Variants in KLF12 observed in about 807,000 individuals in gnomAD.
The protein encoded by KLF12 is KLF transcription factor 12.
A neutral mutation model predicts 37.8 loss-of-function variants in KLF12; 9 were observed. The ratio of observed to expected loss-of-function variants is 0.24; its 90% CI spans 0.14 to 0.42. The LOEUF (loss-of-function observed/expected upper bound fraction) is 0.42, where lower values mean the gene tolerates loss of function less well. Ranked by LOEUF, KLF12 falls within the 10% of genes least tolerant of loss-of-function variation. KLF12 has a pLI of 1.00. For missense variants in KLF12, 411 were observed against 516.0 expected, an observed-to-expected ratio of 0.80 and a Z score of 1.97; for synonymous variants, 208 against 202.1, an observed-to-expected ratio of 1.03 and a Z score of -0.25.
intron 5 of KLF12, among the ~76,000 whole-genome samples, chr13:73,808,299 A>G (rs1416391736): frequency 6.6e-6 from 1 of 152,070 alleles, no homozygotes; most frequent in East Asian, 1.9e-4. Flanking sequence ...TTACAATTGA[A>G]ATAGAAAAAA....
the KLF12 span, among the ~76,000 whole-genome samples, chr13:74,273,799 C>T: frequency 6.6e-6 from 1 of 152,078 alleles, no homozygotes; most frequent in Non-Finnish European, 1.5e-5. Context: ...ACAAGGATTA[C>T]ATAATGCATG....
intron 5 of KLF12, among the ~76,000 whole-genome samples, chr13:73,774,609 T>C (rs1313805716): frequency 1.3e-5 from 2 of 152,206 alleles, no homozygotes; most frequent in African/African-American, 4.8e-5. Context: ...ATAATTATAC[T>C]ATGAGGATGT....
At chr13:74,036,856 C>A (rs1007957693) in intron 1 of KLF12, among the ~76,000 whole-genome samples, 1 of 152,194 alleles carries the variant, frequency 6.6e-6, no homozygotes, top group African/African-American at 2.4e-5. Context: ...AATTTATAAA[C>A]CAAGTGTAAA....
At chr13:74,051,485 G>A (rs1430507905) in intron 1 of KLF12, among the ~76,000 whole-genome samples, 1 of 152,084 alleles carries the variant, frequency 6.6e-6, no homozygotes, top group Non-Finnish European at 1.5e-5. Context: ...GCATGAAACA[G>A]GAAGAAGAGT....
At chr13:74,066,816 G>A (rs546177314) in intron 1 of KLF12, among the ~76,000 whole-genome samples, 12 of 152,236 alleles carry the variant, frequency 7.9e-5, no homozygotes, top group Non-Finnish European at 1.0e-4. Context: ...TCTGGCCTTC[G>A]AAGGGAGCTA....
Position 73,738,057 on chromosome 13 carries a change from A to G in KLF12, c.870-22532T>C, listed in dbSNP as rs185126918. 8.3e-4 allele frequency among the ~76,000 whole-genome samples: 118 copies of G among 142,738 alleles called. 3 individuals are homozygous for G. The highest frequency in any genetic ancestry group is 4.8e-3 in the East Asian group (23 of 4,810). 93.6% of individuals were successfully genotyped at this position (142,738 alleles called of 152,430 possible). ...CACACACACACACACATACGTGTGT[A>G]TATATATATATACACACACATATAT... On this transcript the variant is annotated intron_variant, in intron 6 of 7. Coordinates refer to ENST00000377669, the MANE Select transcript of KLF12 (RefSeq NM_007249.5).
chr13:73,885,443 G>A (rs775631613), intron 3 of KLF12, among the ~76,000 whole-genome samples: 3 of 152,146 alleles, frequency 2.0e-5, no homozygotes, highest in Admixed American at 6.5e-5. Context: ...CAGTCACCAT[G>A]ATCTCTAGTC....
At chr13:73,867,277 G>C (rs1266839679) in intron 3 of KLF12, among the ~76,000 whole-genome samples, 1 of 151,712 alleles carries the variant, frequency 6.6e-6, no homozygotes, top group Non-Finnish European at 1.5e-5. Flanking sequence ...AAAGAAGGTT[G>C]GTACAGTTAT....
At chr13:74,237,291 A>G in the KLF12 span, among the ~76,000 whole-genome samples, 3 of 143,210 alleles carry the variant, frequency 2.1e-5, no homozygotes, top group South Asian at 6.5e-4. Flanking sequence ...GTTCTGTTCC[A>G]TTGATCTATA....
At chr13:74,120,816 G>C (rs1277272980) in intron 1 of KLF12, among the ~76,000 whole-genome samples, 1 of 152,002 alleles carries the variant, frequency 6.6e-6, no homozygotes, top group Admixed American at 6.5e-5. Flanking sequence ...ATTACCTGAA[G>C]GTAGGCTGTG....
chr13:73,856,282 C>A (rs892524077), intron 3 of KLF12, among the ~76,000 whole-genome samples: 13 of 152,296 alleles, frequency 8.5e-5, no homozygotes, highest in African/African-American at 3.1e-4. Flanking sequence ...GACACGAAGA[C>A]CCTCAGCTCA....
the KLF12 span, among the ~76,000 whole-genome samples, chr13:74,159,277 C>T: frequency 5.3e-5 from 8 of 152,176 alleles, no homozygotes; most frequent in Non-Finnish European, 1.2e-4. Context: ...AACAACTTCA[C>T]ATGAATGAGT....
intron 3 of KLF12, among the ~76,000 whole-genome samples, chr13:73,881,544 T>C (rs905396901): frequency 1.4e-4 from 22 of 152,218 alleles, no homozygotes; most frequent in African/African-American, 5.1e-4. Flanking sequence ...TCTAATCTTT[T>C]ATGTCCCATA....
At chr13:74,082,875 A>G (rs1874998479) in intron 1 of KLF12, among the ~76,000 whole-genome samples, 1 of 152,206 alleles carries the variant, frequency 6.6e-6, no homozygotes, top group Admixed American at 6.5e-5. Context: ...CCTTCCGGCA[A>G]GAGTTAGGTT....
At chr13:73,888,069 C>A (rs1048703583) in intron 3 of KLF12, among the ~76,000 whole-genome samples, 1 of 151,802 alleles carries the variant, frequency 6.6e-6, no homozygotes. Flanking sequence ...GTGGTACGAT[C>A]TTGGCTTACT....
chr13:73,856,936 G>A (rs970646305), intron 3 of KLF12, among the ~76,000 whole-genome samples: 2 of 152,038 alleles, frequency 1.3e-5, no homozygotes, highest in Non-Finnish European at 2.9e-5. Context: ...GCAGTGAGCC[G>A]AGATCACGCC....
chr13:73,697,982 G>C (rs1427173552), intron 7 of KLF12, among the ~76,000 whole-genome samples: 1 of 152,024 alleles, frequency 6.6e-6, no homozygotes, highest in African/African-American at 2.4e-5. Flanking sequence ...GTGACATTCT[G>C]TCTCTCCAGA....
intron 1 of KLF12, among the ~76,000 whole-genome samples, chr13:74,011,556 G>A (rs1892552563): frequency 6.6e-6 from 1 of 151,996 alleles, no homozygotes; most frequent in Non-Finnish European, 1.5e-5. Context: ...TCAATTAACT[G>A]CAGATCAAAA....
chr13:74,005,144 T>TA (rs1892379370), intron 1 of KLF12, among the ~76,000 whole-genome samples: 1 of 152,200 alleles, frequency 6.6e-6, no homozygotes, highest in African/African-American at 2.4e-5. Context: ...CCTCAACTCT[T>TA]AGATTCTTTG....
Sources: gnomAD v4.1 joint callset for allele counts (sites outside exome capture counted in the v4.1 genomes callset) on GRCh38, gnomAD v4.1.1 for gene constraint, MANE v1.5 for transcripts, NCBI Gene and HGNC (gene_info 2026-07-23, HGNC 2026-07-21) for gene names.